The following LRIG1 variants were observed in gnomAD, a reference collection of about 807,000 sequenced individuals.
The protein encoded by LRIG1 is leucine-rich repeats and immunoglobulin-like domains protein 1.
In LRIG1, 48 loss-of-function variants were observed where a neutral mutation model predicts 99.2. The observed-to-expected ratio is 0.48, with a 90% CI of 0.38 to 0.62. The LOEUF (loss-of-function observed/expected upper bound fraction) is 0.62. Ranked by LOEUF, LRIG1 falls within the 20% of genes least tolerant of loss-of-function variation. LRIG1 has a pLI of 0.00. For missense variants in LRIG1, 1,646 were observed against 1,434.4 expected (o/e 1.15, Z -2.38); for synonymous variants, 772 against 596.1 (o/e 1.29, Z -4.30).
chr3:66,492,572 A>G (rs996260637), intron 1 of LRIG1, among the ~76,000 whole-genome samples: 3 of 152,178 alleles, frequency 2.0e-5, no homozygotes, highest in African/African-American at 7.2e-5. Flanking sequence ...AGATCATAAA[A>G]GATAAGAGAT....
chr3:66,457,202 A>G (rs2106824102), intron 2 of LRIG1, among the ~76,000 whole-genome samples: 1 of 152,356 alleles, frequency 6.6e-6, no homozygotes, highest in Middle Eastern at 3.4e-3. Context: ...GCGCCTGGGC[A>G]ACACTGGAGA....
At chr3:66,419,643 C>G (rs1702741009) in intron 3 of LRIG1, among the ~76,000 whole-genome samples, 1 of 152,076 alleles carries the variant, frequency 6.6e-6, no homozygotes, top group Non-Finnish European at 1.5e-5. Context: ...GCCTCGCAGC[C>G]CAAGCTAACA....
chr3:66,491,535 T>C (rs1329201064), intron 1 of LRIG1, among the ~76,000 whole-genome samples: 3 of 152,210 alleles, frequency 2.0e-5, no homozygotes, highest in Non-Finnish European at 4.4e-5. Context: ...ATAAACATTC[T>C]GTAAATATAT....
At chr3:66,476,743 A>C (rs1424684567) in intron 1 of LRIG1, among the ~76,000 whole-genome samples, 1 of 152,234 alleles carries the variant, frequency 6.6e-6, no homozygotes, top group East Asian at 1.9e-4. Flanking sequence ...GGATTTCTCA[A>C]GCCAGCTTTC....
chr3:66,439,717 A>G (rs1345238059), intron 3 of LRIG1, among the ~76,000 whole-genome samples: 1 of 152,202 alleles, frequency 6.6e-6, no homozygotes, highest in Non-Finnish European at 1.5e-5. Flanking sequence ...TATAGGTAGA[A>G]TGCAAATGAC....
chr3:66,467,445 C>G (rs777620733), intron 1 of LRIG1, among the ~76,000 whole-genome samples: 149 of 151,314 alleles, frequency 9.8e-4, no homozygotes, highest in Non-Finnish European at 1.5e-3. Context: ...CTACAAGCTC[C>G]GTCTCCTGGG....
intron 3 of LRIG1, among the ~76,000 whole-genome samples, chr3:66,425,287 TCTCAGTCAA>T (rs1433052424): frequency 6.6e-6 from 1 of 152,238 alleles, no homozygotes; most frequent in African/African-American, 2.4e-5. Flanking sequence ...GCTGGCCATT[TCTCAGTCAA>T]CTCAGCCTGT....
At chr3:66,401,038 A>T (rs1702032174) in intron 9 of LRIG1, among the ~76,000 whole-genome samples, 1 of 152,194 alleles carries the variant, frequency 6.6e-6, no homozygotes, top group African/African-American at 2.4e-5. Context: ...ACTAACTGCA[A>T]GCTCAGCCCT....
chr3:66,479,033 A>G (rs928796186), intron 1 of LRIG1, among the ~76,000 whole-genome samples: 1 of 152,154 alleles, frequency 6.6e-6, no homozygotes, highest in Non-Finnish European at 1.5e-5. Flanking sequence ...ATCACCCTGC[A>G]GCCGCCCAAG....
chr3:66,489,487 A>T (rs1485704997), intron 1 of LRIG1, among the ~76,000 whole-genome samples: 1 of 151,506 alleles, frequency 6.6e-6, no homozygotes, highest in Non-Finnish European at 1.5e-5. Context: ...GCGCCACTGC[A>T]CTCCAACCTG....
intron 3 of LRIG1, among the ~76,000 whole-genome samples, chr3:66,435,514 G>A (rs1703327101): frequency 6.6e-6 from 1 of 152,228 alleles, no homozygotes; most frequent in Admixed American, 6.5e-5. Context: ...GGAAGACTGA[G>A]GTTGCAGTGA....
rs563269557 is a variant in LRIG1 at position 66,419,267 on chromosome 3, C to G, written c.366-2001G>C. 5.9e-5 allele frequency among the ~76,000 whole-genome samples: 9 copies of G among 152,090 alleles called. No homozygotes were observed. The East Asian group carries it at 1.8e-3, about 30-fold the overall frequency. ...TTCTGTCCTCTCCCCACCTCCTCCT[C>G]TGTCTCCTCAGTCTTTGTCTGTGGT... is the stretch of plus-strand genomic sequence containing the variant. On this transcript the variant is annotated intron_variant, in intron 3 of 18. Coordinates refer to ENST00000273261, the MANE Select transcript of LRIG1 (RefSeq NM_015541.3).
chr3:66,448,291 G>C (rs1224592193), intron 3 of LRIG1, among the ~76,000 whole-genome samples: 4 of 152,280 alleles, frequency 2.6e-5, no homozygotes, highest in Admixed American at 6.5e-5. Flanking sequence ...ACCCAGCTTG[G>C]GAGGGCTCTG....
intron 1 of LRIG1, among the ~76,000 whole-genome samples, chr3:66,486,291 A>G: frequency 6.6e-6 from 1 of 152,028 alleles, no homozygotes; most frequent in East Asian, 1.9e-4. Flanking sequence ...AATTATCCCC[A>G]TTTTACAGAA....
chr3:66,442,849 T>C (rs1474141321), intron 3 of LRIG1, among the ~76,000 whole-genome samples: 2 of 152,276 alleles, frequency 1.3e-5, no homozygotes, highest in South Asian at 2.1e-4. Context: ...TCCTATTCCA[T>C]GGGATCTCCC....
At chr3:66,475,965 ATTTCT>A (rs1372716036) in intron 1 of LRIG1, among the ~76,000 whole-genome samples, 2 of 152,140 alleles carry the variant, frequency 1.3e-5, no homozygotes, top group East Asian at 1.9e-4. Flanking sequence ...TTACAGCTTG[ATTTCT>A]TTTCTTCCAT....
chr3:66,415,100 C>T, intron 4 of LRIG1, 37 bp from the exon 5 acceptor site: 4 of 1,564,512 alleles, frequency 2.6e-6, no homozygotes, highest in Non-Finnish European at 3.5e-6. Context: ...GGTGGTTGGT[C>T]AAAGGCCTTC....
At chr3:66,458,014 A>C (rs528173943) in intron 2 of LRIG1, among the ~76,000 whole-genome samples, 2 of 152,384 alleles carry the variant, frequency 1.3e-5, no homozygotes, top group East Asian at 3.9e-4. Flanking sequence ...CAAGGTTAGC[A>C]CAGGTTTTGA....
intron 1 of LRIG1, among the ~76,000 whole-genome samples, chr3:66,468,003 C>G (rs964755754): frequency 1.1e-4 from 16 of 152,178 alleles, no homozygotes; most frequent in African/African-American, 3.9e-4. Context: ...AGGGAAAGAG[C>G]CTTCAAAAAC....
Sources: allele counts gnomAD v4.1 joint callset (sites outside exome capture counted in the v4.1 genomes callset), GRCh38; gene constraint gnomAD v4.1.1; transcripts MANE v1.5; gene names NCBI Gene and HGNC (gene_info 2026-07-23, HGNC 2026-07-21).